RAB8A: variants seen among roughly 807,000 people sequenced by gnomAD.
RAB8A encodes the protein RAB8A, member RAS oncogene family.
Under a neutral mutation model 29.2 loss-of-function variants are expected in RAB8A, and 5 were observed. The ratio of observed to expected loss-of-function variants is 0.17; its 90% CI spans 0.09 to 0.36. The LOEUF (loss-of-function observed/expected upper bound fraction) is 0.36, where lower values mean the gene tolerates loss of function less well. RAB8A is among the 10% of genes least tolerant of loss of function. The pLI, the probability that RAB8A is intolerant of heterozygous loss-of-function variation, is 1.00. For synonymous variants in RAB8A, 108 were observed against 99.9 expected (o/e 1.08, Z -0.49); for missense variants, 171 against 272.2 (o/e 0.63, Z 2.62).
intron 7 of RAB8A, 50 bp downstream of exon 7, chr19:16,129,654 C>T (rs1415491610): frequency 6.3e-7 from 1 of 1,583,510 alleles, no homozygotes; most frequent in Non-Finnish European, 8.7e-7. Flanking sequence ...GGGATCCAGC[C>T]ATCGTCGTTA....
At chr19:16,129,494 G>A (rs956488659) in intron 6 of RAB8A, 60 bp from the exon 7 acceptor site, 12 of 1,545,970 alleles carry the variant, frequency 7.8e-6, no homozygotes, top group South Asian at 4.5e-5. Context: ...CGCTGTACAC[G>A]GGCGGCTGAG....
rs1198666361 is a variant in RAB8A, at chr19:16,128,019, C to G, written c.415-7C>G. 2 of 1,614,184 alleles carry G rather than the reference C, an allele frequency of 1.2e-6. No homozygotes were observed. Among genetic ancestry groups the G allele is most frequent in the Admixed American group, 3.3e-5 (2 of 60,018 alleles). On this transcript the variant is annotated splice_polypyrimidine_tract_variant and splice_region_variant and intron_variant, in intron 5 of 7. Coordinates refer to ENST00000300935, the MANE Select transcript of RAB8A (RefSeq NM_005370.5). The stretch of plus-strand genomic sequence containing the variant: ...TGTGCTCATGCGTGTGCCTCCCTCT[C>G]TCACAGCTGGCCCTCGACTATGGAA...
chr19:16,127,650 G>A lies in RAB8A; in HGVS notation c.414+124G>A, dbSNP rs1599398854. On this transcript the variant is annotated intron_variant, in intron 5 of 7. Coordinates refer to ENST00000300935, the MANE Select transcript of RAB8A (RefSeq NM_005370.5). This position sits in a 1 kb window ranked among gnomAD's most constrained non-coding sequence, Gnocchi z 4.8. ...AGTTGGTCACCCCAGTGGGGCACGT[G>A]CCATGGGATGACAGAAGCACACACC... 5.3e-6 allele frequency: 4 copies of A among 750,554 alleles called. No individual in the cohort carries two copies. The highest frequency in any genetic ancestry group is 8.4e-6 in the Non-Finnish European group (4 of 476,370). The allele number at this position is 750,554 out of a possible 1,614,324, so 46.5% of individuals were successfully genotyped here.
chr19:16,121,808 A>G lies in RAB8A; in HGVS notation c.244A>G (p.Met82Val). The G allele has an allele frequency of 1.2e-6, 2 of 1,613,392 alleles. No individual in the cohort carries two copies. Among genetic ancestry groups the G allele is most frequent in the Non-Finnish European group, 1.7e-6 (2 of 1,179,352 alleles). Reference protein sequence around the residue: ...TITTAYYRGAMGIMLVYDITN... With the variant: ...TITTAYYRGAVGIMLVYDITN... ...CACAACGGCCTACTACAGGGGTGCA[A>G]TGGTAGGGACTTTTTGTTTGGTTGT... The change falls in exon 3 of 8, where the codon ATG becomes GTG. Residue 82 changes from methionine to valine, a missense_variant and splice_region_variant. Coordinates refer to ENST00000300935, the MANE Select transcript of RAB8A (RefSeq NM_005370.5).
At chr19:16,119,328 C>T (rs932732076) in intron 2 of RAB8A, among the ~76,000 whole-genome samples, 2 of 152,132 alleles carry the variant, frequency 1.3e-5, no homozygotes, top group Non-Finnish European at 2.9e-5. Flanking sequence ...GCCTCAGCCT[C>T]CCAAGTAGCT....
intron 3 of RAB8A, 113 bp downstream of exon 3, chr19:16,121,923 C>G: frequency 3.9e-6 from 4 of 1,018,352 alleles, no homozygotes; most frequent in Non-Finnish European, 6.0e-6. Flanking sequence ...GCCCCAACTC[C>G]TCAGGGCTCC....
Position 16,133,464 on chromosome 19 carries a change from T to C in RAB8A, c.*1160T>C, listed in dbSNP as rs542901514. 6.6e-6 allele frequency: 1 copy of C among 152,462 alleles called. No individual in the cohort carries two copies. Among genetic ancestry groups the C allele is most frequent in the Admixed American group, 6.6e-5 (1 of 15,254 alleles). The allele number at this position is 152,462 out of a possible 1,614,324, so 9.4% of individuals were successfully genotyped here. On this transcript the variant is annotated 3_prime_UTR_variant, in exon 8 of 8. Coordinates refer to ENST00000300935, the MANE Select transcript of RAB8A (RefSeq NM_005370.5). ...TTCTTTTTTTCTTTCTTTTTTTTTT[T>C]TTCCTCCTTAAGCTGCTGTCAATCC...
chr19:16,126,092 G>A (rs1325822600), intron 4 of RAB8A: 1 of 194,640 alleles, frequency 5.1e-6, no homozygotes, highest in Non-Finnish European at 1.1e-5. Flanking sequence ...AAGCCTTCCT[G>A]GCTGCCGGCA....
intron 1 of RAB8A, chr19:16,112,258 G>A (rs559271411): frequency 1.8e-6 from 1 of 554,046 alleles, no homozygotes; most frequent in Non-Finnish European, 3.2e-6. Flanking sequence ...CCGACCCTCA[G>A]CCCGCTCGTT....
Position 16,125,745 on chromosome 19 carries a change from C to A in RAB8A, c.324+198C>A. ...GACCACACACTGGCCTGGCCCCACC[C>A]CGGAGCCCCTCGGAGCCCATCCCTC... On this transcript the variant is annotated intron_variant, in intron 4 of 7. Coordinates refer to ENST00000300935, the MANE Select transcript of RAB8A (RefSeq NM_005370.5). This position sits in a 1 kb window ranked among gnomAD's most constrained non-coding sequence, Gnocchi z 5.0. 1.4e-6 allele frequency: 1 copy of A among 690,610 alleles called. No homozygotes were observed. The highest frequency in any genetic ancestry group is 2.0e-5 in the Admixed American group (1 of 49,538). 42.8% of individuals were successfully genotyped at this position (690,610 alleles called of 1,614,324 possible).
chr19:16,126,194 A>G, intron 4 of RAB8A: 1 of 175,914 alleles, frequency 5.7e-6, no homozygotes, highest in Admixed American at 5.3e-5. Context: ...GCAAAAGGGC[A>G]TATCACTGTC....
intron 7 of RAB8A, among the ~76,000 whole-genome samples, chr19:16,131,012 C>T (rs1396259136): frequency 6.6e-6 from 1 of 152,054 alleles, no homozygotes; most frequent in African/African-American, 2.4e-5. Context: ...TTAGTAGAGA[C>T]GAGGCTTCAC....
intron 2 of RAB8A, among the ~76,000 whole-genome samples, chr19:16,120,674 G>A (rs994596585): frequency 2.7e-5 from 4 of 149,162 alleles, no homozygotes; most frequent in Non-Finnish European, 4.4e-5. Flanking sequence ...ATAGCGGCAC[G>A]ATCTCAGGTC....
At chr19:16,117,690 A>G (rs1194417992) in intron 1 of RAB8A, among the ~76,000 whole-genome samples, 1 of 150,164 alleles carries the variant, frequency 6.7e-6, no homozygotes, top group Non-Finnish European at 1.5e-5. Flanking sequence ...AAGGCTTGTT[A>G]GGAGGTGATC....
At chr19:16,120,761 C>G (rs1284239903) in intron 2 of RAB8A, among the ~76,000 whole-genome samples, 1 of 151,958 alleles carries the variant, frequency 6.6e-6, no homozygotes, top group Non-Finnish European at 1.5e-5. Context: ...CAGATCCACG[C>G]CATCATGCCC....
At chr19:16,119,684 T>A (rs1320226260) in intron 2 of RAB8A, among the ~76,000 whole-genome samples, 1 of 152,202 alleles carries the variant, frequency 6.6e-6, no homozygotes, top group Admixed American at 6.5e-5. Context: ...AAAGTGACAC[T>A]GCATCAGCAA....
chr19:16,133,461 T>G lies in RAB8A; in HGVS notation c.*1157T>G, dbSNP rs1292309148. 6.6e-6 allele frequency: 1 copy of G among 152,254 alleles called. No homozygotes were observed. The highest frequency in any genetic ancestry group is 6.6e-5 in the Admixed American group (1 of 15,234). The allele number at this position is 152,254 out of a possible 1,614,324, so 9.4% of individuals were successfully genotyped here. ...CTTTTCTTTTTTTCTTTCTTTTTTT[T>G]TTTTTCCTCCTTAAGCTGCTGTCAA... On this transcript the variant is annotated 3_prime_UTR_variant, in exon 8 of 8. Transcript: ENST00000300935.
At chr19:16,128,631 G>A (rs907516223) in intron 6 of RAB8A, among the ~76,000 whole-genome samples, 1 of 152,192 alleles carries the variant, frequency 6.6e-6, no homozygotes, top group Non-Finnish European at 1.5e-5. Flanking sequence ...CTGACGTGAA[G>A]ACAAAGGCTA....
chr19:16,123,824 C>A (rs942400482), intron 3 of RAB8A: 1 of 152,030 alleles, frequency 6.6e-6, no homozygotes, highest in Non-Finnish European at 1.5e-5. Context: ...TGCCTAGAGA[C>A]CCATGGTGAG....
Sources: allele counts gnomAD v4.1 joint callset (sites outside exome capture counted in the v4.1 genomes callset), GRCh38; gene constraint gnomAD v4.1.1; non-coding constraint Gnocchi (gnomAD v3.1); transcripts MANE v1.5; gene names NCBI Gene and HGNC (gene_info 2026-07-23, HGNC 2026-07-21).